The following SSH2 variants were observed in gnomAD, a reference collection of about 807,000 sequenced individuals.
SSH2 encodes the protein slingshot protein phosphatase 2.
In SSH2, 37 loss-of-function variants were observed where a neutral mutation model predicts 135.2. The observed-to-expected ratio is 0.27, with a 90% CI of 0.21 to 0.36. The LOEUF is 0.36. SSH2 is among the 10% of genes least tolerant of loss of function. The pLI, the probability that SSH2 is intolerant of heterozygous loss-of-function variation, is 1.00. For synonymous variants in SSH2, 628 were observed against 646.2 expected, an observed-to-expected ratio of 0.97 and a Z score of 0.43; for missense variants, 1,408 against 1,765.3, an observed-to-expected ratio of 0.80 and a Z score of 3.63.
intron 2 of SSH2, among the ~76,000 whole-genome samples, chr17:29,840,376 G>A (rs1425897219): frequency 6.6e-6 from 1 of 152,196 alleles, no homozygotes; most frequent in Non-Finnish European, 1.5e-5. Context: ...TCCAGCACAG[G>A]AGAGCATGGT....
rs2035503356 is a variant in SSH2, at chr17:29,626,425, G to A, written c.*4416C>T. On this transcript the variant is annotated 3_prime_UTR_variant, in exon 16 of 16. Transcript: ENST00000540801. The stretch of plus-strand genomic sequence containing the variant: ...GGCCAGTTACCCAGTTTTTAGTTTG[G>A]GTATTAGCTCTGCATGTGTACACAG... The A allele has an allele frequency of 6.6e-6, 1 of 152,666 alleles. No individual in the cohort carries two copies. The highest frequency in any genetic ancestry group is 1.5e-5 in the Non-Finnish European group (1 of 68,022). 9.5% of individuals were successfully genotyped at this position (152,666 alleles called of 1,614,324 possible).
At chr17:29,773,234 T>A (rs1298779491) in intron 3 of SSH2, among the ~76,000 whole-genome samples, 1 of 152,024 alleles carries the variant, frequency 6.6e-6, no homozygotes, top group East Asian at 1.9e-4. Context: ...CCTACCTAAC[T>A]AAACAGGAAG....
intron 1 of SSH2, among the ~76,000 whole-genome samples, chr17:29,889,679 G>A (rs564800712): frequency 9.9e-5 from 15 of 151,788 alleles, no homozygotes; most frequent in East Asian, 1.9e-4. Flanking sequence ...TCACATATCC[G>A]ACATGGGACT....
intron 1 of SSH2, among the ~76,000 whole-genome samples, chr17:29,856,893 A>G (rs1369631483): frequency 6.6e-6 from 1 of 152,144 alleles, no homozygotes; most frequent in Admixed American, 6.5e-5. Flanking sequence ...CTATTTTTTA[A>G]AAACTACATA....
intron 3 of SSH2, among the ~76,000 whole-genome samples, chr17:29,735,696 CAAAA>C (rs1246276444): frequency 4.1e-5 from 2 of 48,678 alleles, no homozygotes; most frequent in African/African-American, 7.8e-5. Flanking sequence ...GATTCTGTCT[CAAAA>C]AAAAAAAAAA....
At chr17:29,736,075 C>T (rs149097257) in intron 3 of SSH2, among the ~76,000 whole-genome samples, 55 of 151,982 alleles carry the variant, frequency 3.6e-4, no homozygotes, top group African/African-American at 1.2e-3. Context: ...CCAGCCTGGA[C>T]GACAGAGTGA....
chr17:29,669,920 C>T (rs775916741), intron 9 of SSH2, among the ~76,000 whole-genome samples: 27 of 144,320 alleles, frequency 1.9e-4, no homozygotes, highest in Middle Eastern at 3.7e-3. Flanking sequence ...CTCCCTCTGT[C>T]GCCCAGGCTG....
intron 3 of SSH2, among the ~76,000 whole-genome samples, chr17:29,738,232 C>A (rs1462276877): frequency 1.3e-5 from 2 of 151,094 alleles, no homozygotes; most frequent in Non-Finnish European, 2.9e-5. Context: ...CCAGCTTCAT[C>A]CATGTCCCTA....
intron 1 of SSH2, among the ~76,000 whole-genome samples, chr17:29,881,219 A>G (rs985272704): frequency 7.2e-5 from 11 of 152,214 alleles, no homozygotes; most frequent in East Asian, 1.9e-4. Flanking sequence ...AGAACTAAAG[A>G]CTAGAAACTA....
intron 1 of SSH2, among the ~76,000 whole-genome samples, chr17:29,887,817 G>A (rs1263573349): frequency 6.6e-6 from 1 of 152,152 alleles, no homozygotes; most frequent in Non-Finnish European, 1.5e-5. Context: ...ATAAATAAGT[G>A]CTTTCAGCTT....
At position 29,629,245 on chromosome 17, in the gene SSH2, C is replaced by T. The variant is rs1382178931; in HGVS notation, c.*1596G>A. The T allele has an allele frequency of 2.0e-5, 3 of 152,720 alleles. No individual in the cohort carries two copies. Among genetic ancestry groups the T allele is most frequent in the Non-Finnish European group, 4.4e-5 (3 of 68,062 alleles). The allele number at this position is 152,720 out of a possible 1,614,324, so 9.5% of individuals were successfully genotyped here. A position where few individuals can be genotyped will look rare whatever the true frequency, so the allele number is the denominator to read the frequency against. On this transcript the variant is annotated 3_prime_UTR_variant, in exon 16 of 16. Transcript: ENST00000540801. ...ATCCTAAATGGAGTCACTGTGGGCA[C>T]TTGCCCCTGGCTGAGGCCTCCCCTG...
At chr17:29,753,856 T>C (rs1344129759) in intron 3 of SSH2, among the ~76,000 whole-genome samples, 1 of 151,252 alleles carries the variant, frequency 6.6e-6, no homozygotes, top group Non-Finnish European at 1.5e-5. Flanking sequence ...GCTATATGTA[T>C]CAAATTTTTA....
chr17:29,901,354 A>G (rs1032728122), intron 1 of SSH2, among the ~76,000 whole-genome samples: 4 of 152,230 alleles, frequency 2.6e-5, no homozygotes, highest in African/African-American at 9.6e-5. Context: ...GATAAAATTC[A>G]ATCACTATCA....
chr17:29,630,711 T>A lies in SSH2; in HGVS notation c.*130A>T. 1.1e-6 allele frequency: 1 copy of A among 950,550 alleles called. No individual in the cohort carries two copies. Among genetic ancestry groups the A allele is most frequent in the Non-Finnish European group, 1.6e-6 (1 of 638,992 alleles). 58.9% of individuals were successfully genotyped at this position (950,550 alleles called of 1,614,324 possible). A position where few individuals can be genotyped will look rare whatever the true frequency, so the allele number is the denominator to read the frequency against. On this transcript the variant is annotated 3_prime_UTR_variant, in exon 16 of 16. Coordinates refer to ENST00000540801, the MANE Select transcript of SSH2 (RefSeq NM_001282129.2). ...TACACACTGAAAAACACCCAAACCC[T>A]GCATGCACCAGAAACAGTAAAATGA...
intron 1 of SSH2, among the ~76,000 whole-genome samples, chr17:29,894,327 CT>C (rs913868151): frequency 6.6e-6 from 1 of 151,872 alleles, no homozygotes. Flanking sequence ...CAGCTTGGGA[CT>C]TTCCTTTGCT....
At chr17:29,853,711 G>C (rs1038028675) in intron 1 of SSH2, among the ~76,000 whole-genome samples, 1 of 151,718 alleles carries the variant, frequency 6.6e-6, no homozygotes, top group Non-Finnish European at 1.5e-5. Flanking sequence ...ATTTCTTTGA[G>C]CTCAGTTTCC....
intron 2 of SSH2, among the ~76,000 whole-genome samples, chr17:29,806,245 C>A (rs951421378): frequency 6.6e-6 from 1 of 152,100 alleles, no homozygotes; most frequent in Non-Finnish European, 1.5e-5. Flanking sequence ...TGAACCACTC[C>A]GGAATGAATG....
intron 3 of SSH2, among the ~76,000 whole-genome samples, chr17:29,746,547 CAAAAAAA>C (rs57217896): frequency 9.7e-4 from 66 of 67,942 alleles, no homozygotes; most frequent in African/African-American, 3.3e-3. Context: ...GACTCTGTCT[CAAAAAAA>C]AAAAAAAAAA....
At chr17:29,827,070 C>A (rs1357679150) in intron 2 of SSH2, among the ~76,000 whole-genome samples, 1 of 152,172 alleles carries the variant, frequency 6.6e-6, no homozygotes, top group African/African-American at 2.4e-5. Flanking sequence ...TGGTGTCATA[C>A]TACAAATTGT....
Sources: allele counts gnomAD v4.1 joint callset (sites outside exome capture counted in the v4.1 genomes callset), GRCh38; gene constraint gnomAD v4.1.1; transcripts MANE v1.5; gene names NCBI Gene and HGNC (gene_info 2026-07-23, HGNC 2026-07-21).